The following PCDHGA5 variants were observed in gnomAD, a reference collection of about 807,000 sequenced individuals.
PCDHGA5 encodes the protein protocadherin gamma subfamily A, 5, also known as protocadherin gamma-A5.
PCDHGA5 carries 36 observed loss-of-function variants against 56.7 expected under a neutral mutation model. The ratio of observed to expected loss-of-function variants is 0.64; its 90% CI spans 0.49 to 0.84. PCDHGA5 has a LOEUF of 0.84. Among genes scored for constraint, PCDHGA5 ranks in the 40% least tolerant of loss-of-function variants. The pLI, the probability that PCDHGA5 is intolerant of heterozygous loss-of-function variation, is 0.00. For missense variants in PCDHGA5, 1,305 were observed against 1,201.5 expected, an observed-to-expected ratio of 1.09 and a Z score of -1.27; for synonymous variants, 563 against 520.2, an observed-to-expected ratio of 1.08 and a Z score of -1.12.
chr5:141,390,152 TAC>T, intron 1 of PCDHGA5: 2 of 1,614,054 alleles, frequency 1.2e-6, no homozygotes, highest in Non-Finnish European at 1.7e-6. Flanking sequence ...GTGTTGCACA[TAC>T]AGGAAAGACG....
chr5:141,472,486 G>A (rs1300618918), intron 1 of PCDHGA5, among the ~76,000 whole-genome samples: 1 of 152,050 alleles, frequency 6.6e-6, no homozygotes, highest in Non-Finnish European at 1.5e-5. Flanking sequence ...CTTGCAGTGA[G>A]ACGAGATCGT....
chr5:141,472,159 A>G (rs1020175900), intron 1 of PCDHGA5, among the ~76,000 whole-genome samples: 1 of 152,246 alleles, frequency 6.6e-6, no homozygotes, highest in Non-Finnish European at 1.5e-5. Context: ...TTACATAGCT[A>G]CTAGGTGTAA....
At chr5:141,459,891 CT>C (rs1405964049) in intron 1 of PCDHGA5, among the ~76,000 whole-genome samples, 1 of 152,158 alleles carries the variant, frequency 6.6e-6, no homozygotes, top group African/African-American at 2.4e-5. Flanking sequence ...TGAACGCCTT[CT>C]TAAAATTGAG....
intron 1 of PCDHGA5, chr5:141,478,684 T>C: frequency 6.4e-7 from 1 of 1,551,340 alleles, no homozygotes; most frequent in Non-Finnish European, 8.7e-7. Flanking sequence ...TGGCCCTTCC[T>C]AGATCAAAGT....
At chr5:141,418,233 A>T in intron 1 of PCDHGA5, 1 of 1,614,048 alleles carries the variant, frequency 6.2e-7, no homozygotes, top group Non-Finnish European at 8.5e-7. Flanking sequence ...GTGATTGAGG[A>T]TGTTAATGAC....
chr5:141,433,361 ATCT>A, intron 1 of PCDHGA5: 2 of 297,578 alleles, frequency 6.7e-6, no homozygotes, highest in Non-Finnish European at 1.3e-5. Context: ...CTGTCTGCCT[ATCT>A]ATCTATCTAT....
intron 1 of PCDHGA5, among the ~76,000 whole-genome samples, chr5:141,445,793 CAG>C (rs1466260011): frequency 6.6e-6 from 1 of 152,132 alleles, no homozygotes; most frequent in Admixed American, 6.5e-5. Context: ...AGGCTAGAAA[CAG>C]AAAATAAATA....
intron 1 of PCDHGA5, among the ~76,000 whole-genome samples, chr5:141,482,329 T>A (rs1334833454): frequency 6.6e-6 from 1 of 152,160 alleles, no homozygotes; most frequent in Non-Finnish European, 1.5e-5. Context: ...ATAAAGAGAA[T>A]ATCTACTTTG....
At chr5:141,405,186 G>T (rs762537440) in intron 1 of PCDHGA5, 2 of 1,612,892 alleles carry the variant, frequency 1.2e-6, no homozygotes, top group Non-Finnish European at 1.7e-6. Context: ...GGTGTAGATG[G>T]GGTTCGAGCT....
chr5:141,394,741 T>G (rs767167411), intron 1 of PCDHGA5: 5 of 1,613,414 alleles, frequency 3.1e-6, no homozygotes, highest in Non-Finnish European at 4.2e-6. Context: ...CAGAGCCTCG[T>G]GGTGGCCGTC....
Position 141,491,543 on chromosome 5 carries a change from A to G in PCDHGA5, c.2422-3264A>G. 6.2e-7 allele frequency: 1 copy of G among 1,613,842 alleles called. No individual in the cohort carries two copies. The highest frequency in any genetic ancestry group is 8.5e-7 in the Non-Finnish European group (1 of 1,179,982). ...ATGGAGGTGACGCTGCGGCCCACAG[A>G]CTCGCAGAGCCACTGCTACAGGACG... On this transcript the variant is annotated intron_variant, in intron 1 of 3. Coordinates refer to ENST00000518069, the MANE Select transcript of PCDHGA5 (RefSeq NM_018918.3). The surrounding 1 kb of genome is among the most constrained non-coding windows in gnomAD (Gnocchi z 6.9).
chr5:141,482,530 CAAAAA>C (rs3074545), intron 1 of PCDHGA5, among the ~76,000 whole-genome samples: 1 of 76,558 alleles, frequency 1.3e-5, no homozygotes, highest in African/African-American at 4.8e-5. Context: ...GACAGACATG[CAAAAA>C]AAAAAAAAAA....
At chr5:141,403,655 A>T (rs1262068795) in intron 1 of PCDHGA5, 6 of 1,613,798 alleles carry the variant, frequency 3.7e-6, no homozygotes, top group Non-Finnish European at 4.2e-6. Context: ...AGTGTTGGAT[A>T]CAAATGATAA....
chr5:141,364,994 C>A lies in PCDHGA5; in HGVS notation c.664C>A (p.Leu222Ile), dbSNP rs1469218354. 6.2e-7 allele frequency: 1 copy of A among 1,613,924 alleles called. No individual in the cohort carries two copies. Among genetic ancestry groups the A allele is most frequent in the South Asian group, 1.1e-5 (1 of 91,088 alleles). Residue 222 changes from leucine to isoleucine, a missense_variant, in exon 1 of 4, where the codon CTC becomes ATC. Coordinates refer to ENST00000518069, the MANE Select transcript of PCDHGA5 (RefSeq NM_018918.3). ...LTALDGGDPV[L>I]SGTTHIRVTV... is the part of the protein sequence containing the mutation. Reference sequence around the variant, plus strand: ...AGCTTTAGATGGCGGAGACCCGGTACTCTCCGGCACCACGCACATCCGTGT... The same window carrying A: ...AGCTTTAGATGGCGGAGACCCGGTAATCTCCGGCACCACGCACATCCGTGT...
In PCDHGA5 at chr5:141,432,645, C is replaced by A. The variant is rs758701539; in HGVS notation, c.2422-62162C>A. ...CTGCACACGGGCGAGGTGCGCACGG[C>A]GCGAGCCCTGCTGGACAGAGACGCG... On this transcript the variant is annotated intron_variant, in intron 1 of 3. Coordinates refer to ENST00000518069, the MANE Select transcript of PCDHGA5 (RefSeq NM_018918.3). This position sits in a 1 kb window ranked among gnomAD's most constrained non-coding sequence, Gnocchi z 6.0. The A allele has an allele frequency of 1.2e-5, 20 of 1,613,628 alleles. No individual in the cohort carries two copies. The highest frequency in any genetic ancestry group is 1.6e-4 in the Middle Eastern group (1 of 6,066).
chr5:141,426,873 C>T (rs1299082117), intron 1 of PCDHGA5: 1 of 456,702 alleles, frequency 2.2e-6, no homozygotes, highest in East Asian at 6.9e-5. Context: ...GCTGGAGAAG[C>T]CCCTGGGCCA....
chr5:141,466,115 C>A (rs2099117208), intron 1 of PCDHGA5, among the ~76,000 whole-genome samples: 1 of 151,618 alleles, frequency 6.6e-6, no homozygotes, highest in African/African-American at 2.4e-5. Context: ...GAGTGAGACT[C>A]CAGCTCAAAA....
rs748605515 is a variant in PCDHGA5 at position 141,486,688 on chromosome 5, C to T, written c.2422-8119C>T. ...CCAGGAATCGAGATGTATCAGCTTC[C>T]TCTTTCATCTCTCTGAACCCCCAGA... On this transcript the variant is annotated intron_variant, in intron 1 of 3. Transcript: ENST00000518069. The surrounding 1 kb of genome is among the most constrained non-coding windows in gnomAD (Gnocchi z 5.0). 2 of 1,614,170 alleles carry T rather than the reference C, an allele frequency of 1.2e-6. No individual in the cohort carries two copies. The highest frequency in any genetic ancestry group is 1.1e-5 in the South Asian group (1 of 91,086).
At chr5:141,494,455 G>A (rs906714175) in intron 1 of PCDHGA5, among the ~76,000 whole-genome samples, 2 of 152,156 alleles carry the variant, frequency 1.3e-5, no homozygotes, top group African/African-American at 4.8e-5. Flanking sequence ...AGGGGGCTTT[G>A]TCTGCACCTC....
Sources: allele counts gnomAD v4.1 joint callset (sites outside exome capture counted in the v4.1 genomes callset), GRCh38; gene constraint gnomAD v4.1.1; non-coding constraint Gnocchi (gnomAD v3.1); transcripts MANE v1.5; gene names NCBI Gene and HGNC (gene_info 2026-07-23, HGNC 2026-07-21).